Variants in SIK3 observed in about 807,000 individuals in gnomAD.
SIK3 encodes the protein SIK family kinase 3.
In SIK3, 28 loss-of-function variants were observed where a neutral mutation model predicts 144.2. The observed-to-expected ratio is 0.19, with a 90% CI of 0.14 to 0.27. The LOEUF is 0.27. SIK3 is among the 10% of genes least tolerant of loss of function. The pLI, the probability that SIK3 is intolerant of heterozygous loss-of-function variation, is 1.00. For missense variants in SIK3, 1,319 were observed against 1,776.0 expected (o/e 0.74, Z 4.62); for synonymous variants, 686 against 676.3 (o/e 1.01, Z -0.22).
intron 1 of SIK3, among the ~76,000 whole-genome samples, chr11:116,967,699 C>A (rs1432118441): frequency 6.6e-6 from 1 of 152,134 alleles, no homozygotes; most frequent in Non-Finnish European, 1.5e-5. Flanking sequence ...GTAATGCATC[C>A]TCGGATGTCA....
In SIK3 at chr11:116,927,213, T is replaced by A. The variant is rs1289773167; in HGVS notation, c.616+6A>T. The A allele has an allele frequency of 6.2e-7, 1 of 1,612,542 alleles. No homozygotes were observed. Among genetic ancestry groups the A allele is most frequent in the South Asian group, 1.1e-5 (1 of 90,936 alleles). Reference sequence around the variant, plus strand: ...CCCTATCTGACATCCTCAGTACAGTTCTCACCTGCTATTTTGATATTCAGA... The same window carrying A: ...CCCTATCTGACATCCTCAGTACAGTACTCACCTGCTATTTTGATATTCAGA... On this transcript the variant is annotated splice_donor_region_variant and intron_variant, in intron 4 of 24. Coordinates refer to ENST00000445177, the MANE Select transcript of SIK3 (RefSeq NM_001366686.3).
intron 1 of SIK3, among the ~76,000 whole-genome samples, chr11:117,042,659 T>C (rs898156784): frequency 6.6e-6 from 1 of 152,214 alleles, no homozygotes; most frequent in African/African-American, 2.4e-5. Flanking sequence ...TTAGATTTCA[T>C]CTAAATATGA....
intron 15 of SIK3, among the ~76,000 whole-genome samples, chr11:116,866,900 C>T (rs1943676927): frequency 1.3e-5 from 2 of 152,290 alleles, no homozygotes; most frequent in South Asian, 4.2e-4. Flanking sequence ...TTTATGAAAG[C>T]TTATCTTCCT....
chr11:116,905,877 T>A (rs1946004088), intron 4 of SIK3, among the ~76,000 whole-genome samples: 1 of 152,256 alleles, frequency 6.6e-6, no homozygotes, highest in African/African-American at 2.4e-5. Flanking sequence ...ATTAGATATA[T>A]GATTTGCAAA....
intron 7 of SIK3, among the ~76,000 whole-genome samples, chr11:116,876,649 A>G (rs1436576659): frequency 6.6e-6 from 1 of 152,204 alleles, no homozygotes; most frequent in African/African-American, 2.4e-5. Context: ...CGACATCCCC[A>G]TGGTAGGTAA....
intron 3 of SIK3, among the ~76,000 whole-genome samples, chr11:116,949,322 G>T (rs182909573): frequency 6.6e-6 from 1 of 152,310 alleles, no homozygotes; most frequent in Admixed American, 6.5e-5. Flanking sequence ...GTTACCTTGG[G>T]ATCACAGTGT....
chr11:116,881,813 T>C (rs1334234420), intron 6 of SIK3, among the ~76,000 whole-genome samples: 1 of 152,202 alleles, frequency 6.6e-6, no homozygotes, highest in African/African-American at 2.4e-5. Flanking sequence ...ATTTACATGA[T>C]AGGCAAAGTG....
At chr11:117,072,146 G>A (rs776203340) in intron 1 of SIK3, among the ~76,000 whole-genome samples, 6 of 152,116 alleles carry the variant, frequency 3.9e-5, no homozygotes, top group Non-Finnish European at 5.9e-5. Context: ...CCAGCACTTT[G>A]GGAGGCCAAG....
chr11:117,001,488 A>G (rs893836065), intron 1 of SIK3, among the ~76,000 whole-genome samples: 7 of 150,858 alleles, frequency 4.6e-5, no homozygotes, highest in South Asian at 2.1e-4. Context: ...CCTGGGCAAC[A>G]CAGCAAGATT....
chr11:117,022,026 T>C (rs1266982493), intron 1 of SIK3, among the ~76,000 whole-genome samples: 2 of 150,768 alleles, frequency 1.3e-5, no homozygotes, highest in African/African-American at 2.4e-5. Flanking sequence ...AGAAACCAGC[T>C]TTTGAGCACC....
chr11:117,059,983 C>A (rs546435794), intron 1 of SIK3, among the ~76,000 whole-genome samples: 2 of 152,194 alleles, frequency 1.3e-5, no homozygotes, highest in Non-Finnish European at 2.9e-5. Context: ...TATATGATCA[C>A]GCAGTTCTGT....
chr11:117,030,793 C>T (rs1353671297), intron 1 of SIK3, among the ~76,000 whole-genome samples: 1 of 152,144 alleles, frequency 6.6e-6, no homozygotes, highest in Non-Finnish European at 1.5e-5. Flanking sequence ...ACCTCAACCT[C>T]GCAAAGTACT....
intron 3 of SIK3, among the ~76,000 whole-genome samples, chr11:116,933,333 G>A (rs780083002): frequency 9.2e-5 from 14 of 151,972 alleles, no homozygotes; most frequent in Admixed American, 2.0e-4. Context: ...TAGAGACAGG[G>A]TTTCACCATA....
At chr11:117,051,699 T>C (rs1034821264) in intron 1 of SIK3, among the ~76,000 whole-genome samples, 6 of 151,912 alleles carry the variant, frequency 3.9e-5, no homozygotes, top group Non-Finnish European at 8.8e-5. Flanking sequence ...CGGCTAATTT[T>C]TGTATTTTTA....
intron 2 of SIK3, among the ~76,000 whole-genome samples, chr11:116,955,875 G>A (rs1041888107): frequency 2.6e-5 from 4 of 151,702 alleles, no homozygotes; most frequent in Admixed American, 6.6e-5. Context: ...GAGCTCTAAC[G>A]CTGTAGTTTT....
chr11:117,073,749 A>T (rs1954381405), intron 1 of SIK3, among the ~76,000 whole-genome samples: 1 of 152,218 alleles, frequency 6.6e-6, no homozygotes, highest in Non-Finnish European at 1.5e-5. Flanking sequence ...CCCAGTTGTA[A>T]GATGACTTAA....
Position 116,876,997 on chromosome 11 carries a change from T to C in SIK3, c.911A>G (p.Lys304Arg), listed in dbSNP as rs760198771. 14 of 1,614,010 alleles carry C rather than the reference T, an allele frequency of 8.7e-6. No homozygotes were observed. The highest frequency in any genetic ancestry group is 1.3e-5 in the African/African-American group (1 of 74,902). The change falls in exon 7 of 25, where the codon AAG (lysine) becomes AGG (arginine). Residue 304 changes from lysine to arginine, a missense_variant. By Grantham distance (26) the Lys-to-Arg change is conservative. Around this residue, in one of 8 missense-constraint regions of SIK3, gnomAD observed 34 missense variants for 56.1 expected, o/e 0.61. Transcript: ENST00000445177. ...IRHMLVLDPN[K>R]RLSMEQICKH... ...GCAGATCTGCTCCATGGAGAGGCGC[T>C]TATTGGGATCTAACACCAACATATG...
intron 1 of SIK3, among the ~76,000 whole-genome samples, chr11:117,045,159 G>T (rs1296048123): frequency 6.6e-6 from 1 of 152,144 alleles, no homozygotes; most frequent in African/African-American, 2.4e-5. Context: ...TCTATTCTAA[G>T]AATTGTTTAG....
chr11:117,063,715 T>A (rs11216259), intron 1 of SIK3, among the ~76,000 whole-genome samples: 19,049 of 151,196 alleles, frequency 0.13, 1,614 homozygotes, highest in Non-Finnish European at 0.19. Context: ...ATTACAGGCA[T>A]CCACCACTAC....
Sources: gnomAD v4.1 joint callset for allele counts (sites outside exome capture counted in the v4.1 genomes callset) on GRCh38, gnomAD v4.1.1 for gene constraint, gnomAD v4.1.1 regional missense constraint, MANE v1.5 for transcripts, NCBI Gene and HGNC (gene_info 2026-07-23, HGNC 2026-07-21) for gene names.